Variants in COP1 observed in about 807,000 individuals in gnomAD.
The protein encoded by COP1 is E3 ubiquitin-protein ligase COP1.
A neutral mutation model predicts 101.3 loss-of-function variants in COP1; 24 were observed. The ratio of observed to expected loss-of-function variants is 0.24; its 90% CI spans 0.17 to 0.33. The LOEUF (loss-of-function observed/expected upper bound fraction) is 0.33, where lower values mean the gene tolerates loss of function less well. COP1 is among the 10% of genes least tolerant of loss of function. The pLI is 1.00. For missense variants in COP1, 663 were observed against 906.2 expected (o/e 0.73, Z 3.45); for synonymous variants, 347 against 341.9 (o/e 1.01, Z -0.17).
chr1:176,134,019 A>G, intron 8 of COP1: 1 of 375,342 alleles, frequency 2.7e-6, no homozygotes, highest in South Asian at 2.0e-5. Flanking sequence ...ACGAACTCAC[A>G]AGGATTCTCC....
At chr1:176,078,614 A>G (rs1678503995) in intron 11 of COP1, among the ~76,000 whole-genome samples, 1 of 91,762 alleles carries the variant, frequency 1.1e-5, no homozygotes, top group Non-Finnish European at 2.7e-5. Context: ...TTCAAAAGCA[A>G]TTGCAAAAAA....
rs1048336330 is a variant in COP1, at chr1:176,200,360, C to T, written c.407+6212G>A. Among the ~76,000 whole-genome samples, 5 of 152,094 alleles carry T rather than the reference C, an allele frequency of 3.3e-5. 1 individual carries two copies. Among genetic ancestry groups the T allele is most frequent in the Non-Finnish European group, 5.9e-5 (4 of 68,018 alleles). ...TATCTAAAAGAACCCCCAAAACAGT[C>T]GTAATTTTTACAAAGCCTACTTTGT... On this transcript the variant is annotated intron_variant, in intron 1 of 19. Transcript: ENST00000367669.
intron 9 of COP1, among the ~76,000 whole-genome samples, chr1:176,093,527 T>C (rs1413365111): frequency 6.6e-6 from 1 of 151,882 alleles, no homozygotes; most frequent in Non-Finnish European, 1.5e-5. Context: ...GCCAAAACAG[T>C]GAAACCCCTT....
At chr1:176,135,845 CAACTT>C (rs1342664830) in intron 7 of COP1, among the ~76,000 whole-genome samples, 4 of 152,012 alleles carry the variant, frequency 2.6e-5, no homozygotes, top group Non-Finnish European at 5.9e-5. Flanking sequence ...AAATGTGTAA[CAACTT>C]AAGAATGCTA....
chr1:176,143,146 A>AGAGAGAGAGAGAG (rs1553286862), intron 6 of COP1, among the ~76,000 whole-genome samples: 11 of 66,598 alleles, frequency 1.7e-4, no homozygotes, highest in African/African-American at 5.2e-4. Flanking sequence ...GAGCGAGAGA[A>AGAGAGAGAGAGAG]AGAGAGAGAG....
intron 6 of COP1, among the ~76,000 whole-genome samples, chr1:176,141,543 T>C (rs1690685973): frequency 6.6e-6 from 1 of 151,882 alleles, no homozygotes; most frequent in Non-Finnish European, 1.5e-5. Context: ...AAACTTAATA[T>C]ATGCTAATTC....
Position 176,067,919 on chromosome 1 carries a change from A to G in COP1, c.1277+13233T>C, listed in dbSNP as rs148377413. On this transcript the variant is annotated intron_variant, in intron 11 of 19. Transcript: ENST00000367669. ...CGATCTGCCTGTCTGTCCCCTCCCC[A>G]TAGGGTCACAACTCCTCTGAGCAGC... Among the ~76,000 whole-genome samples, 399 of 152,270 alleles carry G rather than the reference A, an allele frequency of 2.6e-3. 3 individuals carry two copies. The highest frequency in any genetic ancestry group is 9.2e-3 in the African/African-American group (381 of 41,560).
intron 1 of COP1, among the ~76,000 whole-genome samples, chr1:176,203,111 G>C (rs1236908963): frequency 6.6e-6 from 1 of 151,938 alleles, no homozygotes; most frequent in African/African-American, 2.4e-5. Flanking sequence ...GCAGAGGCGG[G>C]CGGATCATGA....
intron 1 of COP1, among the ~76,000 whole-genome samples, chr1:176,197,741 T>C (rs1407324201): frequency 6.6e-6 from 1 of 152,228 alleles, no homozygotes; most frequent in Non-Finnish European, 1.5e-5. Context: ...TATATTCATA[T>C]ACAGATAACA....
In COP1 at chr1:176,085,910, C is replaced by T; in HGVS notation, c.1027-20G>A. The T allele has an allele frequency of 7.2e-7, 1 of 1,388,826 alleles. No individual in the cohort carries two copies. The highest frequency in any genetic ancestry group is 1.0e-6 in the Non-Finnish European group (1 of 987,536). 86.0% of individuals were successfully genotyped at this position (1,388,826 alleles called of 1,614,324 possible). A position where few individuals can be genotyped will look rare whatever the true frequency, so the allele number is the denominator to read the frequency against. ...CTTTGTCTAAAATAATAAGAAAAGA[C>T]ACAAAACTTAGAATAAACAATACTC... On this transcript the variant is annotated intron_variant, in intron 9 of 19. Coordinates refer to ENST00000367669, the MANE Select transcript of COP1 (RefSeq NM_022457.7).
At chr1:175,967,480 A>G (rs1652247517) in intron 18 of COP1, among the ~76,000 whole-genome samples, 1 of 146,064 alleles carries the variant, frequency 6.8e-6, no homozygotes, top group Admixed American at 7.1e-5. Flanking sequence ...AGTGAGACTC[A>G]GTCTCAAAAA....
intron 9 of COP1, among the ~76,000 whole-genome samples, chr1:176,111,422 C>T (rs1470315478): frequency 6.6e-6 from 1 of 151,870 alleles, no homozygotes. Flanking sequence ...GCCTCCTGAG[C>T]AGCTGGGACT....
intron 8 of COP1, among the ~76,000 whole-genome samples, chr1:176,126,065 T>C (rs1687935069): frequency 1.3e-5 from 2 of 152,242 alleles, no homozygotes; most frequent in Admixed American, 6.5e-5. Context: ...TATGTTGACT[T>C]TGTATCCTGC....
intron 10 of COP1, 31 bp downstream of exon 10, chr1:176,085,745 T>C: frequency 7.9e-7 from 1 of 1,272,620 alleles, no homozygotes; most frequent in Non-Finnish European, 1.1e-6. Flanking sequence ...AATGTAGATT[T>C]CAGATAATTT....
At chr1:176,195,477 T>G (rs561069977) in intron 1 of COP1, among the ~76,000 whole-genome samples, 2 of 152,150 alleles carry the variant, frequency 1.3e-5, no homozygotes, top group African/African-American at 4.8e-5. Flanking sequence ...ACTTTACTAT[T>G]TGACATGTAT....
Position 175,947,742 on chromosome 1 carries a change from A to AT in COP1, c.2134-504dup, listed in dbSNP as rs376979478. On this transcript the variant is annotated intron_variant, in intron 18 of 19. Transcript: ENST00000367669. ...CCCATATTTTGAAGTGTAAGTTTTAATAAAAGAATAAAGTTAGAAGCAGAG... is the reference window on the plus strand; with the variant it reads ...CCCATATTTTGAAGTGTAAGTTTTAATTAAAAGAATAAAGTTAGAAGCAGAG... Among the ~76,000 whole-genome samples the AT allele has an allele frequency of 2.6e-3, 399 of 152,356 alleles. 3 individuals carry two copies. The highest frequency in any genetic ancestry group is 9.2e-3 in the African/African-American group (381 of 41,588).
intron 14 of COP1, among the ~76,000 whole-genome samples, chr1:176,033,193 C>G (rs1238427334): frequency 6.6e-6 from 1 of 152,106 alleles, no homozygotes; most frequent in Non-Finnish European, 1.5e-5. Flanking sequence ...GGGTGGATCA[C>G]TTAAGATCAG....
In COP1 at chr1:176,174,007, A is replaced by AAG. The variant is rs1553306871; in HGVS notation, c.565+1901_565+1902dup. On this transcript the variant is annotated intron_variant, in intron 3 of 19. Coordinates refer to ENST00000367669, the MANE Select transcript of COP1 (RefSeq NM_022457.7). ...GTCTCAAAAAAAAAAAAAAAAAAAA[A>AAG]AGAGAATATATATAATGTAGGGGAT... is the stretch of plus-strand genomic sequence containing the variant. 7.4e-3 allele frequency among the ~76,000 whole-genome samples: 896 copies of AAG among 121,474 alleles called. 26 individuals carry two copies. Among genetic ancestry groups the AAG allele is most frequent in the East Asian group, 0.014 (41 of 3,028 alleles). The allele number at this position is 121,474 out of a possible 152,430, so 79.7% of individuals were successfully genotyped here.
chr1:176,066,313 A>G (rs1186342317), intron 11 of COP1, among the ~76,000 whole-genome samples: 2 of 152,144 alleles, frequency 1.3e-5, no homozygotes, highest in East Asian at 1.9e-4. Flanking sequence ...TCAACATCAA[A>G]TAAGTGTTTG....
Sources: allele counts gnomAD v4.1 joint callset (sites outside exome capture counted in the v4.1 genomes callset), GRCh38; gene constraint gnomAD v4.1.1; transcripts MANE v1.5; gene names NCBI Gene and HGNC (gene_info 2026-07-23, HGNC 2026-07-21).